Variants in AP1G2 observed in about 807,000 individuals in gnomAD.
The protein encoded by AP1G2 is AP-1 complex subunit gamma-like 2.
A neutral mutation model predicts 95.8 loss-of-function variants in AP1G2; 85 were observed. The observed-to-expected ratio is 0.89, with a 90% CI of 0.74 to 1.06. The LOEUF (loss-of-function observed/expected upper bound fraction) is 1.06, where lower values mean the gene tolerates loss of function less well. Ranked by LOEUF, AP1G2 falls within the 50% of genes least tolerant of loss-of-function variation. The pLI is 0.00. For synonymous variants in AP1G2, 378 were observed against 400.0 expected (o/e 0.94, Z 0.66); for missense variants, 967 against 1,005.8 (o/e 0.96, Z 0.52).
rs979869478 is a variant in AP1G2 at position 23,563,803 on chromosome 14, A to G, written c.1145T>C (p.Met382Thr). 2.2e-5 allele frequency: 36 copies of G among 1,614,048 alleles called. No individual in the cohort carries two copies. The highest frequency in any genetic ancestry group is 2.7e-5 in the Non-Finnish European group (32 of 1,180,024). Residue 382 changes from methionine (M) to threonine (T), a missense_variant, in exon 12 of 22, where the codon ATG (methionine) becomes ACG (threonine). By Grantham distance (81) the Met-to-Thr change is moderately conservative. Transcript: ENST00000397120. Reference sequence around the variant, plus strand: ...CAGAAAGGCCTGCAGCTCTTGCATCATGGCTCGCACATTGGAGCTATTTAC... The same window carrying G: ...CAGAAAGGCCTGCAGCTCTTGCATCGTGGCTCGCACATTGGAGCTATTTAC... ...ALVNSSNVRAMMQELQAFLES... is the reference protein window; with the variant it reads ...ALVNSSNVRATMQELQAFLES...
intron 19 of AP1G2, 161 bp downstream of exon 19, chr14:23,561,131 CAGAT>C: frequency 7.4e-7 from 1 of 1,359,736 alleles, no homozygotes; most frequent in Non-Finnish European, 9.4e-7. Flanking sequence ...AAAGGGAAGA[CAGAT>C]GACCATGATT....
In AP1G2 at chr14:23,559,861, G is replaced by T; in HGVS notation, c.2257-11C>A. On this transcript the variant is annotated splice_polypyrimidine_tract_variant and intron_variant, in intron 21 of 21. Coordinates refer to ENST00000397120, the MANE Select transcript of AP1G2 (RefSeq NM_003917.5). ...TAGCCGCAGGGGGGCCTAGGAATAG[G>T]AGAGCAGGGACCAGGGTTAGCACCC... is the stretch of plus-strand genomic sequence containing the variant. 6.2e-7 allele frequency: 1 copy of T among 1,613,950 alleles called. No individual in the cohort carries two copies.
intron 20 of AP1G2, 106 bp downstream of exon 20, chr14:23,560,149 C>A: frequency 6.8e-7 from 1 of 1,479,916 alleles, no homozygotes; most frequent in South Asian, 1.2e-5. Flanking sequence ...TGCTGATCTC[C>A]AGATGACTCA....
At chr14:23,563,115 A>C (rs1885924432) in intron 14 of AP1G2, 1 of 1,375,728 alleles carries the variant, frequency 7.3e-7, no homozygotes, top group African/African-American at 1.5e-5. Flanking sequence ...CAAGAGCTTT[A>C]ATCTCAAGGC....
intron 14 of AP1G2, chr14:23,562,812 C>T (rs1300415615): frequency 2.2e-5 from 13 of 594,988 alleles, no homozygotes; most frequent in Non-Finnish European, 3.5e-5. Flanking sequence ...GTCCCCTCCT[C>T]ACTTCCAGAC....
At chr14:23,566,453 C>T (rs1888034956) in intron 3 of AP1G2, 34 bp from the exon 4 acceptor site, 1 of 1,608,704 alleles carries the variant, frequency 6.2e-7, no homozygotes, top group African/African-American at 1.3e-5. Context: ...AGTCAAACCT[C>T]TGAGAAAATC....
In AP1G2 at chr14:23,562,015, C is replaced by CA. The variant is rs1208310427; in HGVS notation, c.1679dup (p.Gln561AlafsTer8). On this transcript the variant is annotated frameshift_variant, in exon 17 of 22. Transcript: ENST00000397120. LOFTEE classifies it high-confidence loss of function. Reference sequence around the variant, plus strand: ...TGTCATACTCCACAGCCCGCTGCTGCAGCTCCACGTCCAAGCAGCTCCCGT... The same window carrying CA: ...TGTCATACTCCACAGCCCGCTGCTGCAAGCTCCACGTCCAAGCAGCTCCCGT... 1.2e-6 allele frequency: 2 copies of CA among 1,613,654 alleles called. No individual in the cohort carries two copies. The highest frequency in any genetic ancestry group is 2.2e-5 in the East Asian group (1 of 44,870).
intron 10 of AP1G2, 57 bp from the exon 11 acceptor site, chr14:23,564,216 C>G: frequency 6.2e-7 from 1 of 1,611,982 alleles, no homozygotes; most frequent in Non-Finnish European, 8.5e-7. Flanking sequence ...CACTCCCCGT[C>G]CTGTCCTGGG....
At position 23,562,394 on chromosome 14, in the gene AP1G2, C is replaced by T; in HGVS notation, c.1522G>A (p.Ala508Thr). Residue 508 changes from alanine to threonine, a missense_variant, in exon 16 of 22, where the codon GCA becomes ACA. Transcript: ENST00000397120. ...GACTGCAGCACCTTTTCCAGCAATG[C>T]CAGCACTTCCTCTTCGTCCACCTTC... ...PLQVDEEEVL[A>T]LLEKVLQSHM... 1 of 1,614,164 alleles carries T rather than the reference C, an allele frequency of 6.2e-7. No individual in the cohort carries two copies. Among genetic ancestry groups the T allele is most frequent in the Non-Finnish European group, 8.5e-7 (1 of 1,180,014 alleles).
At chr14:23,562,711 T>G in intron 14 of AP1G2, 118 bp from the exon 15 acceptor site, 1 of 963,900 alleles carries the variant, frequency 1.0e-6, no homozygotes, top group Non-Finnish European at 1.5e-6. Flanking sequence ...AAGACCAGCC[T>G]GGGCAACAAA....
chr14:23,562,264 C>A (rs755991945), intron 16 of AP1G2, 24 bp downstream of exon 16: 2 of 1,613,444 alleles, frequency 1.2e-6, no homozygotes, highest in South Asian at 2.2e-5. Context: ...GGCCATCTCT[C>A]AAGGGGCTGG....
chr14:23,563,505 G>C lies in AP1G2; in HGVS notation c.1288-3C>G, dbSNP rs770909327. The C allele has an allele frequency of 6.2e-7, 1 of 1,614,220 alleles. No individual in the cohort carries two copies. The highest frequency in any genetic ancestry group is 2.2e-5 in the East Asian group (1 of 44,888). On this transcript the variant is annotated splice_polypyrimidine_tract_variant and splice_region_variant and intron_variant, in intron 13 of 21. Transcript: ENST00000397120. ...TCATCCCGCACATGGGTGCCCGCCTGGAAGGTGTGGGCATGGCCAAGTCAG... is the reference window on the plus strand; with the variant it reads ...TCATCCCGCACATGGGTGCCCGCCTCGAAGGTGTGGGCATGGCCAAGTCAG...
At chr14:23,561,261 C>T (rs754272771) in intron 19 of AP1G2, 35 bp downstream of exon 19, 1 of 1,513,934 alleles carries the variant, frequency 6.6e-7, no homozygotes, top group Admixed American at 2.3e-5. Flanking sequence ...TTCCACCTAC[C>T]TTCTCTAAGA....
chr14:23,562,519 C>T lies in AP1G2; in HGVS notation c.1485G>A (p.Glu495=). 6.2e-7 allele frequency: 1 copy of T among 1,614,212 alleles called. No homozygotes were observed. The highest frequency in any genetic ancestry group is 1.1e-5 in the South Asian group (1 of 91,090). The change falls in exon 15 of 22, where the codon GAG becomes GAA. Residue 495 remains glutamate (E), a synonymous_variant. Transcript: ENST00000397120. Reference sequence around the variant, plus strand: ...GAGGTCTCACCTGAAGGGGCTCAATCTCCTCGCAGTTCCCTGCCAGCAGGA... The same window carrying T: ...GAGGTCTCACCTGAAGGGGCTCAATTTCCTCGCAGTTCCCTGCCAGCAGGA... The part of the protein sequence containing the change: ...GDLLLAGNCE[E]IEPLQVDEEE...
chr14:23,565,340 G>A, intron 7 of AP1G2, 141 bp from the exon 8 acceptor site: 1 of 897,286 alleles, frequency 1.1e-6, no homozygotes, highest in Non-Finnish European at 1.7e-6. Context: ...AGGTCCCTTG[G>A]TCCTAGGAGG....
intron 17 of AP1G2, 23 bp downstream of exon 17, chr14:23,561,939 C>A: frequency 1.3e-6 from 2 of 1,590,228 alleles, no homozygotes; most frequent in Non-Finnish European, 1.7e-6. Context: ...GGGTCCCATG[C>A]TGCAGCACAG....
At chr14:23,566,499 G>C in intron 3 of AP1G2, 63 bp downstream of exon 3, 1 of 1,607,888 alleles carries the variant, frequency 6.2e-7, no homozygotes, top group Non-Finnish European at 8.5e-7. Context: ...CAGTCCCCTG[G>C]GATTTCCAAG....
intron 14 of AP1G2, chr14:23,562,835 C>G (rs1885745674): frequency 1.7e-6 from 1 of 571,688 alleles, no homozygotes; most frequent in Non-Finnish European, 3.0e-6. Context: ...GGCAATATCC[C>G]TTTAGGCAGT....
chr14:23,560,179 C>G (rs1166515369), intron 20 of AP1G2, 76 bp downstream of exon 20: 1 of 1,560,178 alleles, frequency 6.4e-7, no homozygotes. Context: ...CACACTGTCT[C>G]CCACCCACCT....
Sources: allele counts gnomAD v4.1 joint callset, GRCh38; gene constraint gnomAD v4.1.1; transcripts MANE v1.5; gene names NCBI Gene and HGNC (gene_info 2026-07-23, HGNC 2026-07-21).